The following CEP57L1 variants were observed in gnomAD, a reference collection of about 807,000 sequenced individuals.
CEP57L1 encodes centrosomal protein CEP57L1.
CEP57L1 carries 37 observed loss-of-function variants against 61.0 expected under a neutral mutation model. That is an observed-to-expected ratio of 0.61 (90% CI 0.47 to 0.80). CEP57L1 has a LOEUF of 0.80. Among genes scored for constraint, CEP57L1 ranks in the 30% least tolerant of loss-of-function variants. The pLI, the probability that CEP57L1 is intolerant of heterozygous loss-of-function variation, is 0.00. For missense variants in CEP57L1, 422 were observed against 524.7 expected, an observed-to-expected ratio of 0.80 and a Z score of 1.91; for synonymous variants, 137 against 162.3, an observed-to-expected ratio of 0.84 and a Z score of 1.19.
At chr6:109,151,492 A>G (rs992396150) in intron 4 of CEP57L1, among the ~76,000 whole-genome samples, 2 of 152,114 alleles carry the variant, frequency 1.3e-5, no homozygotes, top group African/African-American at 4.8e-5. Context: ...CCTTTGTGCT[A>G]TAGTTTTCAT....
rs1257373192 is a variant in CEP57L1 at position 109,162,680 on chromosome 6, A to T, written c.1162-69A>T. The T allele has an allele frequency of 3.2e-5, 32 of 994,552 alleles. No individual in the cohort carries two copies. In the South Asian group the frequency reaches 4.8e-4, roughly 15 times the overall value. The allele number at this position is 994,552 out of a possible 1,614,324, so 61.6% of individuals were successfully genotyped here. A position where few individuals can be genotyped will look rare whatever the true frequency, so the allele number is the denominator to read the frequency against. ...TTTTTAACGTTAAACCATCAATTCA[A>T]CCTATCTATTTTGGAATATATTTTT... is the stretch of plus-strand genomic sequence containing the variant. On this transcript the variant is annotated intron_variant, in intron 10 of 10. Coordinates refer to ENST00000517392, the MANE Select transcript of CEP57L1 (RefSeq NM_001271852.3).
chr6:109,160,267 C>T (rs1016191953), intron 9 of CEP57L1, among the ~76,000 whole-genome samples: 9 of 152,064 alleles, frequency 5.9e-5, no homozygotes, highest in African/African-American at 2.2e-4. Flanking sequence ...GGAAGAAAGC[C>T]CTTTAATACC....
Position 109,165,782 on chromosome 6 carries a change from G to A in CEP57L1, c.*2812G>A, listed in dbSNP as rs1040090748. On this transcript the variant is annotated 3_prime_UTR_variant, in exon 11 of 11. Transcript: ENST00000517392. ...TTGCCAGAGCCTTTGACTCCTCAGG[G>A]GGTGGAGCAAAAGATTTCTTTCCTG... 1.3e-5 allele frequency: 2 copies of A among 152,206 alleles called. No homozygotes were observed. 9.4% of individuals were successfully genotyped at this position (152,206 alleles called of 1,614,324 possible).
chr6:109,103,898 G>A (rs866767664), intron 1 of CEP57L1, among the ~76,000 whole-genome samples: 1 of 151,302 alleles, frequency 6.6e-6, no homozygotes. Context: ...CATATATAGG[G>A]GTAAGATATT....
intron 3 of CEP57L1, among the ~76,000 whole-genome samples, chr6:109,148,165 T>C (rs1023261722): frequency 2.6e-5 from 4 of 152,074 alleles, no homozygotes; most frequent in Non-Finnish European, 5.9e-5. Flanking sequence ...ATGTGCACAA[T>C]GTGCAGGTTA....
At chr6:109,130,658 GTT>G (rs1197642808) in intron 1 of CEP57L1, 1 of 138,844 alleles carries the variant, frequency 7.2e-6, no homozygotes, top group Non-Finnish European at 1.5e-5. Flanking sequence ...CTCTCTGCTG[GTT>G]TTGTTTTTTT....
At position 109,173,099 on chromosome 6, in the gene CEP57L1, C is replaced by G. The variant is rs762243238; in HGVS notation, c.*10129C>G. Among the ~76,000 whole-genome samples the G allele has an allele frequency of 3.9e-5, 6 of 151,934 alleles. No individual in the cohort carries two copies. Among genetic ancestry groups the G allele is most frequent in the Non-Finnish European group, 8.8e-5 (6 of 67,978 alleles). ...GGAAGGAGAACATGTTTTTTTTGAA[C>G]CTATGCAAATAGCCACATGTCTGTG... On this transcript the variant is annotated 3_prime_UTR_variant, in exon 11 of 11. Transcript: ENST00000517392.
chr6:109,098,622 T>A (rs1005274425), intron 1 of CEP57L1, among the ~76,000 whole-genome samples: 1 of 152,036 alleles, frequency 6.6e-6, no homozygotes, highest in Non-Finnish European at 1.5e-5. Context: ...TTTCCTTTTT[T>A]TTTTTAACTG....
At chr6:109,160,842 C>G in intron 10 of CEP57L1, 126 bp downstream of exon 10, 2 of 843,110 alleles carry the variant, frequency 2.4e-6, no homozygotes, top group Non-Finnish European at 1.7e-6. Flanking sequence ...GGATGGTAAT[C>G]CCTTAGGCCT....
At chr6:109,151,676 T>G (rs1772630324) in intron 4 of CEP57L1, among the ~76,000 whole-genome samples, 1 of 152,190 alleles carries the variant, frequency 6.6e-6, no homozygotes, top group Non-Finnish European at 1.5e-5. Context: ...TTTTCTTCAG[T>G]CTGAAGGAAA....
chr6:109,145,226 A>C lies in CEP57L1; in HGVS notation c.5A>C (p.Asp2Ala), dbSNP rs776910573. 1 of 1,565,448 alleles carries C rather than the reference A, an allele frequency of 6.4e-7. No individual in the cohort carries two copies. Among genetic ancestry groups the C allele is most frequent in the Admixed American group, 1.7e-5 (1 of 57,150 alleles). Residue 2 changes from aspartate (D) to alanine (A), a missense_variant, in exon 2 of 11, where the codon GAT becomes GCT. Transcript: ENST00000517392. Reference protein sequence around the residue: MDSELMHSIVGS... With the variant: MASELMHSIVGS... ...TTCCTTTATTCTCTACAGATAATGG[A>C]TTCTGAATTAATGCATAGTATAGTA...
At position 109,164,821 on chromosome 6, in the gene CEP57L1, C is replaced by T. The variant is rs762647372; in HGVS notation, c.*1851C>T. Among the ~76,000 whole-genome samples the T allele has an allele frequency of 1.3e-5, 2 of 152,048 alleles. No homozygotes were observed. Among genetic ancestry groups the T allele is most frequent in the Non-Finnish European group, 2.9e-5 (2 of 68,014 alleles). ...AACCGTCCAGGCGCGGTGGCTCACA[C>T]CTATAATCCCAGCACTTTGGGAGGC... is the stretch of plus-strand genomic sequence containing the variant. On this transcript the variant is annotated 3_prime_UTR_variant, in exon 11 of 11. Coordinates refer to ENST00000517392, the MANE Select transcript of CEP57L1 (RefSeq NM_001271852.3).
At chr6:109,109,085 A>G (rs780456070) in intron 1 of CEP57L1, among the ~76,000 whole-genome samples, 6 of 152,200 alleles carry the variant, frequency 3.9e-5, no homozygotes, top group Non-Finnish European at 8.8e-5. Flanking sequence ...CGTTATTTCT[A>G]TTATCAGTTG....
At chr6:109,118,240 T>C (rs577623233) in intron 1 of CEP57L1, among the ~76,000 whole-genome samples, 2 of 152,224 alleles carry the variant, frequency 1.3e-5, no homozygotes, top group Admixed American at 6.5e-5. Context: ...TTTCACCATA[T>C]TGGCCAGGCT....
chr6:109,115,106 A>G (rs1486106343), intron 1 of CEP57L1, among the ~76,000 whole-genome samples: 3 of 152,174 alleles, frequency 2.0e-5, no homozygotes, highest in Non-Finnish European at 4.4e-5. Context: ...ATGATAGTTG[A>G]TTTTGTAAAA....
Position 109,158,784 on chromosome 6 carries a change from C to T in CEP57L1, c.745-241C>T, listed in dbSNP as rs1279860632. On this transcript the variant is annotated intron_variant, in intron 7 of 10. Coordinates refer to ENST00000517392, the MANE Select transcript of CEP57L1 (RefSeq NM_001271852.3). ...TTATTGTCACTGTTTTTTATTTTGGCCATTCTGATAGATGTGCAGTGATAT... is the reference window on the plus strand; with the variant it reads ...TTATTGTCACTGTTTTTTATTTTGGTCATTCTGATAGATGTGCAGTGATAT... 4 of 550,062 alleles carry T rather than the reference C, an allele frequency of 7.3e-6. No homozygotes were observed. The East Asian group carries it at 1.4e-4, about 19-fold the overall frequency. 34.1% of individuals were successfully genotyped at this position (550,062 alleles called of 1,614,324 possible). A position where few individuals can be genotyped will look rare whatever the true frequency, so the allele number is the denominator to read the frequency against.
upstream of CEP57L1, chr6:109,095,200 G>C: frequency 2.0e-6 from 2 of 985,530 alleles, no homozygotes; most frequent in African/African-American, 1.7e-5. Flanking sequence ...GCCCTGAGGC[G>C]GTTTCCGTTC....
intron 1 of CEP57L1, among the ~76,000 whole-genome samples, chr6:109,144,732 C>T (rs1028559235): frequency 6.6e-5 from 10 of 152,064 alleles, no homozygotes; most frequent in Non-Finnish European, 1.2e-4. Context: ...TCCGATATTT[C>T]ATATATCCAA....
chr6:109,123,811 G>A (rs1377099249), intron 1 of CEP57L1, among the ~76,000 whole-genome samples: 1 of 152,198 alleles, frequency 6.6e-6, no homozygotes, highest in South Asian at 2.1e-4. Flanking sequence ...GTTCACACCT[G>A]TAATCTCAGT....
Sources: gnomAD v4.1 joint callset for allele counts (sites outside exome capture counted in the v4.1 genomes callset) on GRCh38, gnomAD v4.1.1 for gene constraint, MANE v1.5 for transcripts, NCBI Gene and HGNC (gene_info 2026-07-23, HGNC 2026-07-21) for gene names.